Variants in ATXN7L3B observed in about 807,000 individuals in gnomAD.
The protein encoded by ATXN7L3B is ataxin-7-like protein 3B.
A neutral mutation model predicts 6.3 loss-of-function variants in ATXN7L3B; 4 were observed. The ratio of observed to expected loss-of-function variants is 0.63; its 90% CI spans 0.31 to 1.45. The LOEUF (loss-of-function observed/expected upper bound fraction) is 1.45, where lower values mean the gene tolerates loss of function less well. ATXN7L3B is among the 40% of genes most tolerant of loss of function. The pLI is 0.07. For synonymous variants in ATXN7L3B, 63 were observed against 48.0 expected (o/e 1.31, Z -1.29); for missense variants, 120 against 118.5 (o/e 1.01, Z -0.06).
In ATXN7L3B at chr12:74,542,624, A is replaced by G. The variant is rs1032447118; in HGVS notation, c.*4218A>G. ...TACCAATGTTTAACCTCCTAGATTTAGCATTTAACTACAGCATGTACCATC... is the reference window on the plus strand; with the variant it reads ...TACCAATGTTTAACCTCCTAGATTTGGCATTTAACTACAGCATGTACCATC... On this transcript the variant is annotated 3_prime_UTR_variant, in exon 1 of 1. Coordinates refer to ENST00000519948, the MANE Select transcript of ATXN7L3B (RefSeq NM_001136262.2). The G allele has an allele frequency of 4.6e-5, 7 of 152,092 alleles. No individual in the cohort carries two copies. The highest frequency in any genetic ancestry group is 1.7e-4 in the African/African-American group (7 of 41,438). The allele number at this position is 152,092 out of a possible 1,614,324, so 9.4% of individuals were successfully genotyped here. A position where few individuals can be genotyped will look rare whatever the true frequency, so the allele number is the denominator to read the frequency against.
chr12:74,538,542 A>G lies in ATXN7L3B; in HGVS notation c.*136A>G, dbSNP rs1399974393. The G allele has an allele frequency of 1.2e-6, 1 of 841,076 alleles. No individual in the cohort carries two copies. The highest frequency in any genetic ancestry group is 2.9e-5 in the Admixed American group (1 of 34,276). The allele number at this position is 841,076 out of a possible 1,614,324, so 52.1% of individuals were successfully genotyped here. A position where few individuals can be genotyped will look rare whatever the true frequency, so the allele number is the denominator to read the frequency against. On this transcript the variant is annotated 3_prime_UTR_variant, in exon 1 of 1. Coordinates refer to ENST00000519948, the MANE Select transcript of ATXN7L3B (RefSeq NM_001136262.2). ...TCCCCCTTGAAGATCCTAGCATTTA[A>G]AAACCCAAAGTGGATAATTTAGGAA...
Position 74,538,467 on chromosome 12 carries a change from A to C in ATXN7L3B, c.*61A>C. On this transcript the variant is annotated 3_prime_UTR_variant, in exon 1 of 1. Coordinates refer to ENST00000519948, the MANE Select transcript of ATXN7L3B (RefSeq NM_001136262.2). Reference sequence around the variant, plus strand: ...AACATAGACTGGTCCTGTGGCTTCGAGGAGTAAGCTAAGTAGAAAAAAGTA... The same window carrying C: ...AACATAGACTGGTCCTGTGGCTTCGCGGAGTAAGCTAAGTAGAAAAAAGTA... 1 of 1,416,458 alleles carries C rather than the reference A, an allele frequency of 7.1e-7. No individual in the cohort carries two copies. Among genetic ancestry groups the C allele is most frequent in the Non-Finnish European group, 9.5e-7 (1 of 1,054,344 alleles). 87.7% of individuals were successfully genotyped at this position (1,416,458 alleles called of 1,614,324 possible).
Position 74,538,428 on chromosome 12 carries a change from G to A in ATXN7L3B, c.*22G>A. On this transcript the variant is annotated 3_prime_UTR_variant, in exon 1 of 1. Coordinates refer to ENST00000519948, the MANE Select transcript of ATXN7L3B (RefSeq NM_001136262.2). ...GTAGCTGCAAAATGAGAGTCTGAAA[G>A]TGGCCAGGACAATAACATAGACTGG... The A allele has an allele frequency of 6.5e-7, 1 of 1,545,084 alleles. No homozygotes were observed. The highest frequency in any genetic ancestry group is 8.7e-7 in the Non-Finnish European group (1 of 1,143,346).
chr12:74,544,399 T>G lies in ATXN7L3B; in HGVS notation c.*5993T>G, dbSNP rs1049782352. 6.6e-6 allele frequency: 1 copy of G among 152,022 alleles called. No individual in the cohort carries two copies. Among genetic ancestry groups the G allele is most frequent in the African/African-American group, 2.4e-5 (1 of 41,452 alleles). The allele number at this position is 152,022 out of a possible 1,614,324, so 9.4% of individuals were successfully genotyped here. A position where few individuals can be genotyped will look rare whatever the true frequency, so the allele number is the denominator to read the frequency against. On this transcript the variant is annotated 3_prime_UTR_variant, in exon 1 of 1. Transcript: ENST00000519948. ...TGACAAATTAATTTTAAGATTTATA[T>G]GAACACCAGATGCTAGAATAGACAA...
In ATXN7L3B at chr12:74,538,679, G is replaced by C. The variant is rs995050426; in HGVS notation, c.*273G>C. On this transcript the variant is annotated 3_prime_UTR_variant, in exon 1 of 1. Coordinates refer to ENST00000519948, the MANE Select transcript of ATXN7L3B (RefSeq NM_001136262.2). Reference sequence around the variant, plus strand: ...TTGATCTCTAAACACACCAGGATGTGCGCAAGATCCTGTAGTGCCCCCAGT... The same window carrying C: ...TTGATCTCTAAACACACCAGGATGTCCGCAAGATCCTGTAGTGCCCCCAGT... 6.5e-6 allele frequency: 3 copies of C among 462,474 alleles called. No individual in the cohort carries two copies. Among genetic ancestry groups the C allele is most frequent in the African/African-American group, 5.9e-5 (3 of 50,780 alleles). 28.6% of individuals were successfully genotyped at this position (462,474 alleles called of 1,614,324 possible).
Position 74,538,573 on chromosome 12 carries a change from T to G in ATXN7L3B, c.*167T>G. On this transcript the variant is annotated 3_prime_UTR_variant, in exon 1 of 1. Transcript: ENST00000519948. Reference sequence around the variant, plus strand: ...CAAAGTGGATAATTTAGGAATCCTTTTTTTAAAGTGTATTACCTGGAGCAA... The same window carrying G: ...CAAAGTGGATAATTTAGGAATCCTTGTTTTAAAGTGTATTACCTGGAGCAA... 2.8e-6 allele frequency: 2 copies of G among 706,670 alleles called. No homozygotes were observed. Among genetic ancestry groups the G allele is most frequent in the Non-Finnish European group, 4.7e-6 (2 of 422,886 alleles). The allele number at this position is 706,670 out of a possible 1,614,324, so 43.8% of individuals were successfully genotyped here. A position where few individuals can be genotyped will look rare whatever the true frequency, so the allele number is the denominator to read the frequency against.
At position 74,539,699 on chromosome 12, in the gene ATXN7L3B, A is replaced by G. The variant is rs1011151805; in HGVS notation, c.*1293A>G. On this transcript the variant is annotated 3_prime_UTR_variant, in exon 1 of 1. Transcript: ENST00000519948. ...CAGTCCTTTTATTGTTAGAAGTCAG[A>G]GAAAGACCTCCAGAATCTCCTGACT... The G allele has an allele frequency of 3.0e-5, 5 of 167,158 alleles. No individual in the cohort carries two copies. Among genetic ancestry groups the G allele is most frequent in the Admixed American group, 1.3e-4 (2 of 15,290 alleles). 10.4% of individuals were successfully genotyped at this position (167,158 alleles called of 1,614,324 possible).
rs987099952 is a variant in ATXN7L3B, at chr12:74,542,874, T to G, written c.*4468T>G. ...GCTAAAAGCACAACAATTATTAAAT[T>G]TATTTTCATGTTGTTGTTTAATTAT... On this transcript the variant is annotated 3_prime_UTR_variant, in exon 1 of 1. Coordinates refer to ENST00000519948, the MANE Select transcript of ATXN7L3B (RefSeq NM_001136262.2). The G allele has an allele frequency of 1.3e-5, 2 of 152,192 alleles. No individual in the cohort carries two copies. Among genetic ancestry groups the G allele is most frequent in the Non-Finnish European group, 2.9e-5 (2 of 68,014 alleles). 9.4% of individuals were successfully genotyped at this position (152,192 alleles called of 1,614,324 possible). A position where few individuals can be genotyped will look rare whatever the true frequency, so the allele number is the denominator to read the frequency against.
chr12:74,538,448 G>A lies in ATXN7L3B; in HGVS notation c.*42G>A. 13 of 1,510,364 alleles carry A rather than the reference G, an allele frequency of 8.6e-6. No homozygotes were observed. Among genetic ancestry groups the A allele is most frequent in the Non-Finnish European group, 1.2e-5 (13 of 1,120,466 alleles). The allele number at this position is 1,510,364 out of a possible 1,614,324, so 93.6% of individuals were successfully genotyped here. A position where few individuals can be genotyped will look rare whatever the true frequency, so the allele number is the denominator to read the frequency against. The stretch of plus-strand genomic sequence containing the variant: ...TGAAAGTGGCCAGGACAATAACATA[G>A]ACTGGTCCTGTGGCTTCGAGGAGTA... On this transcript the variant is annotated 3_prime_UTR_variant, in exon 1 of 1. Coordinates refer to ENST00000519948, the MANE Select transcript of ATXN7L3B (RefSeq NM_001136262.2).
rs2136589725 is a variant in ATXN7L3B, at chr12:74,541,772, T to G, written c.*3366T>G. 6.6e-6 allele frequency: 1 copy of G among 152,328 alleles called. No homozygotes were observed. Among genetic ancestry groups the G allele is most frequent in the African/African-American group, 2.4e-5 (1 of 41,564 alleles). The allele number at this position is 152,328 out of a possible 1,614,324, so 9.4% of individuals were successfully genotyped here. A position where few individuals can be genotyped will look rare whatever the true frequency, so the allele number is the denominator to read the frequency against. On this transcript the variant is annotated 3_prime_UTR_variant, in exon 1 of 1. Transcript: ENST00000519948. The stretch of plus-strand genomic sequence containing the variant: ...TTCCATTTGAATTGAACTCAATATA[T>G]CTTAGTAAGTACATTTTACCATCAT...
At position 74,543,591 on chromosome 12, in the gene ATXN7L3B, C is replaced by G. The variant is rs1868949519; in HGVS notation, c.*5185C>G. On this transcript the variant is annotated 3_prime_UTR_variant, in exon 1 of 1. Coordinates refer to ENST00000519948, the MANE Select transcript of ATXN7L3B (RefSeq NM_001136262.2). ...ACAACAAAAACAGGCAAAATAATAC[C>G]AAAATAGATTTTTTTTTTAAATGAA... The G allele has an allele frequency of 6.6e-6, 1 of 151,396 alleles. No individual in the cohort carries two copies. 9.4% of individuals were successfully genotyped at this position (151,396 alleles called of 1,614,324 possible). A position where few individuals can be genotyped will look rare whatever the true frequency, so the allele number is the denominator to read the frequency against.
chr12:74,540,126 A>C lies in ATXN7L3B; in HGVS notation c.*1720A>C, dbSNP rs114397456. On this transcript the variant is annotated 3_prime_UTR_variant, in exon 1 of 1. Coordinates refer to ENST00000519948, the MANE Select transcript of ATXN7L3B (RefSeq NM_001136262.2). ...GTTTTTGTAGAAGACTCAGAGGAGA[A>C]TCTTTCTTATGGCTCCCTCTGTTGA... 6.0e-6 allele frequency: 1 copy of C among 165,572 alleles called. No homozygotes were observed. The highest frequency in any genetic ancestry group is 1.5e-5 in the Non-Finnish European group (1 of 67,998). 10.3% of individuals were successfully genotyped at this position (165,572 alleles called of 1,614,324 possible). A position where few individuals can be genotyped will look rare whatever the true frequency, so the allele number is the denominator to read the frequency against.
Position 74,542,744 on chromosome 12 carries a change from T to C in ATXN7L3B, c.*4338T>C, listed in dbSNP as rs1868928703. 1 of 152,174 alleles carries C rather than the reference T, an allele frequency of 6.6e-6. No homozygotes were observed. The highest frequency in any genetic ancestry group is 1.5e-5 in the Non-Finnish European group (1 of 67,988). 9.4% of individuals were successfully genotyped at this position (152,174 alleles called of 1,614,324 possible). On this transcript the variant is annotated 3_prime_UTR_variant, in exon 1 of 1. Coordinates refer to ENST00000519948, the MANE Select transcript of ATXN7L3B (RefSeq NM_001136262.2). ...AACTAAAAATTCAGGAAGAACTTTC[T>C]TGTGCACACATTAATAAGTAACATT...
chr12:74,540,593 A>G lies in ATXN7L3B; in HGVS notation c.*2187A>G, dbSNP rs1868865340. ...AATTGCATTAACTTAAAAAAAATCAAACCTTGGCAAGAGCTAAAATAATTT... is the reference window on the plus strand; with the variant it reads ...AATTGCATTAACTTAAAAAAAATCAGACCTTGGCAAGAGCTAAAATAATTT... On this transcript the variant is annotated 3_prime_UTR_variant, in exon 1 of 1. Coordinates refer to ENST00000519948, the MANE Select transcript of ATXN7L3B (RefSeq NM_001136262.2). 1 of 167,072 alleles carries G rather than the reference A, an allele frequency of 6.0e-6. No individual in the cohort carries two copies. The highest frequency in any genetic ancestry group is 1.5e-5 in the Non-Finnish European group (1 of 68,116). 10.3% of individuals were successfully genotyped at this position (167,072 alleles called of 1,614,324 possible). A position where few individuals can be genotyped will look rare whatever the true frequency, so the allele number is the denominator to read the frequency against.
rs1457655266 is a variant in ATXN7L3B, at chr12:74,540,186, T to G, written c.*1780T>G. On this transcript the variant is annotated 3_prime_UTR_variant, in exon 1 of 1. Coordinates refer to ENST00000519948, the MANE Select transcript of ATXN7L3B (RefSeq NM_001136262.2). Reference sequence around the variant, plus strand: ...TGGAAGAGAACTTAATTTTTTGTATTTAAAATGCAGTGTCATGCCTATAAG... The same window carrying G: ...TGGAAGAGAACTTAATTTTTTGTATGTAAAATGCAGTGTCATGCCTATAAG... 6.0e-6 allele frequency: 1 copy of G among 167,036 alleles called. No homozygotes were observed. The highest frequency in any genetic ancestry group is 1.5e-5 in the Non-Finnish European group (1 of 68,108). The allele number at this position is 167,036 out of a possible 1,614,324, so 10.3% of individuals were successfully genotyped here.
At position 74,541,033 on chromosome 12, in the gene ATXN7L3B, T is replaced by C. The variant is rs868284885; in HGVS notation, c.*2627T>C. ...CATATAGTTGACAGTGGTTAGGAAC[T>C]CTCCCTTTCCCTACCTACCTTCCTT... is the stretch of plus-strand genomic sequence containing the variant. On this transcript the variant is annotated 3_prime_UTR_variant, in exon 1 of 1. Coordinates refer to ENST00000519948, the MANE Select transcript of ATXN7L3B (RefSeq NM_001136262.2). 42 of 166,802 alleles carry C rather than the reference T, an allele frequency of 2.5e-4. No individual in the cohort carries two copies. Among genetic ancestry groups the C allele is most frequent in the African/African-American group, 9.7e-4 (40 of 41,322 alleles). The allele number at this position is 166,802 out of a possible 1,614,324, so 10.3% of individuals were successfully genotyped here.
Position 74,537,966 on chromosome 12 carries a change from T to C in ATXN7L3B, c.-147T>C, listed in dbSNP as rs1273599965. On this transcript the variant is annotated 5_prime_UTR_variant, in exon 1 of 1. Transcript: ENST00000519948. ...ATTCCGGAGCAGTCGCCCCTATCGCTGCTCCTGCAGTTGCGGACGCCACCG... is the reference window on the plus strand; with the variant it reads ...ATTCCGGAGCAGTCGCCCCTATCGCCGCTCCTGCAGTTGCGGACGCCACCG... The C allele has an allele frequency of 3.0e-6, 2 of 664,762 alleles. No individual in the cohort carries two copies. Among genetic ancestry groups the C allele is most frequent in the Admixed American group, 2.9e-5 (1 of 34,228 alleles). 41.2% of individuals were successfully genotyped at this position (664,762 alleles called of 1,614,324 possible).
rs1242031531 is a variant in ATXN7L3B at position 74,545,050 on chromosome 12, G to A, written c.*6644G>A. On this transcript the variant is annotated 3_prime_UTR_variant, in exon 1 of 1. Coordinates refer to ENST00000519948, the MANE Select transcript of ATXN7L3B (RefSeq NM_001136262.2). The stretch of plus-strand genomic sequence containing the variant: ...CAGTATGATTAAATTTTTTTAAATG[G>A]TGATGACATCAACTCTGAAAGGCAT... 6.6e-6 allele frequency: 1 copy of A among 151,918 alleles called. No individual in the cohort carries two copies. The highest frequency in any genetic ancestry group is 1.5e-5 in the Non-Finnish European group (1 of 67,878). 9.4% of individuals were successfully genotyped at this position (151,918 alleles called of 1,614,324 possible).
At position 74,539,706 on chromosome 12, in the gene ATXN7L3B, C is replaced by A. The variant is rs1452285340; in HGVS notation, c.*1300C>A. 2 of 167,054 alleles carry A rather than the reference C, an allele frequency of 1.2e-5. No homozygotes were observed. The highest frequency in any genetic ancestry group is 2.9e-5 in the Non-Finnish European group (2 of 68,144). The allele number at this position is 167,054 out of a possible 1,614,324, so 10.3% of individuals were successfully genotyped here. A position where few individuals can be genotyped will look rare whatever the true frequency, so the allele number is the denominator to read the frequency against. The stretch of plus-strand genomic sequence containing the variant: ...TTTATTGTTAGAAGTCAGAGAAAGA[C>A]CTCCAGAATCTCCTGACTTTAGGGA... On this transcript the variant is annotated 3_prime_UTR_variant, in exon 1 of 1. Transcript: ENST00000519948.
Sources: allele counts gnomAD v4.1 joint callset, GRCh38; gene constraint gnomAD v4.1.1; transcripts MANE v1.5; gene names NCBI Gene and HGNC (gene_info 2026-07-23, HGNC 2026-07-21).